Variants in ULK4 observed in about 807,000 individuals in gnomAD.
The protein encoded by ULK4 is unc-51 like kinase 4.
ULK4 carries 133 observed loss-of-function variants against 160.6 expected under a neutral mutation model. The ratio of observed to expected loss-of-function variants is 0.83; its 90% CI spans 0.72 to 0.96. The LOEUF (loss-of-function observed/expected upper bound fraction) is 0.96. ULK4 is among the 40% of genes least tolerant of loss of function. The probability of loss-of-function intolerance (pLI) is 0.00; values close to 1 mark genes in which losing one functional copy is unlikely to be tolerated. For missense variants in ULK4, 1,580 were observed against 1,499.5 expected, an observed-to-expected ratio of 1.05 and a Z score of -0.89; for synonymous variants, 534 against 539.8, an observed-to-expected ratio of 0.99 and a Z score of 0.15.
At chr3:41,522,534 C>T (rs2085968261) in intron 32 of ULK4, among the ~76,000 whole-genome samples, 2 of 152,042 alleles carry the variant, frequency 1.3e-5, no homozygotes, top group African/African-American at 4.8e-5. Context: ...ATTAAGAAAC[C>T]TAGCCAAACA....
At chr3:41,863,212 A>G (rs1182693395) in intron 17 of ULK4, among the ~76,000 whole-genome samples, 1 of 152,030 alleles carries the variant, frequency 6.6e-6, no homozygotes, top group Non-Finnish European at 1.5e-5. Flanking sequence ...AAGGGAGAGG[A>G]TCCTCACCTG....
intron 34 of ULK4, among the ~76,000 whole-genome samples, chr3:41,402,711 C>T (rs1364309789): frequency 6.6e-6 from 1 of 152,130 alleles, no homozygotes; most frequent in Non-Finnish European, 1.5e-5. Flanking sequence ...ATAAATTCTG[C>T]TCTGCTCATT....
At chr3:41,673,815 C>A (rs1338349027) in intron 29 of ULK4, among the ~76,000 whole-genome samples, 1 of 152,102 alleles carries the variant, frequency 6.6e-6, no homozygotes, top group Non-Finnish European at 1.5e-5. Context: ...GTTCCCCTTA[C>A]CAACACACAC....
chr3:41,492,176 C>G lies in ULK4; in HGVS notation c.3227-28923G>C, dbSNP rs1017543339. ...GTCCAAGTCTTTGCTATTGTGAATA[C>G]TGCCGCAATAAACATACGTGTGCAT... On this transcript the variant is annotated intron_variant, in intron 32 of 36. Transcript: ENST00000301831. 4.6e-5 allele frequency among the ~76,000 whole-genome samples: 7 copies of G among 151,220 alleles called. No homozygotes were observed. The East Asian group carries it at 7.7e-4, about 17-fold the overall frequency.
Position 41,371,772 on chromosome 3 carries a change from A to T in ULK4, c.3678+26307T>A, listed in dbSNP as rs527804814. ...ATCATAACTCCTCGCCAGTGAGGAA[A>T]CAAAACTGGATGGAGAACGAGTTTG... is the stretch of plus-strand genomic sequence containing the variant. On this transcript the variant is annotated intron_variant, in intron 35 of 36. Transcript: ENST00000301831. Among the ~76,000 whole-genome samples the T allele has an allele frequency of 1.2e-4, 18 of 152,204 alleles. No individual in the cohort carries two copies. In the East Asian group the frequency reaches 3.3e-3, roughly 28 times the overall value.
At chr3:41,684,826 A>G (rs1247142993) in intron 27 of ULK4, among the ~76,000 whole-genome samples, 1 of 152,248 alleles carries the variant, frequency 6.6e-6, no homozygotes, top group Non-Finnish European at 1.5e-5. Flanking sequence ...TCATTAAAAG[A>G]AAAGCACTTT....
rs549965987 is a variant in ULK4, at chr3:41,434,780, A to G, written c.3492+20717T>C. ...GTCCCAGCATATAAATATATTTTTT[A>G]TTATTGTTTTACATTATAGTATGTT... On this transcript the variant is annotated intron_variant, in intron 34 of 36. Transcript: ENST00000301831. Among the ~76,000 whole-genome samples the G allele has an allele frequency of 2.6e-5, 4 of 152,270 alleles. No individual in the cohort carries two copies. In the South Asian group the frequency reaches 8.3e-4, roughly 32 times the overall value.
intron 18 of ULK4, among the ~76,000 whole-genome samples, chr3:41,820,697 T>C (rs1345739650): frequency 6.6e-6 from 1 of 152,034 alleles, no homozygotes; most frequent in East Asian, 1.9e-4. Flanking sequence ...ACCTGGGAGG[T>C]AGGATCAGTT....
chr3:41,469,518 A>C (rs2083917206), intron 32 of ULK4, among the ~76,000 whole-genome samples: 1 of 149,552 alleles, frequency 6.7e-6, no homozygotes, highest in Non-Finnish European at 1.5e-5. Flanking sequence ...TAGAGAGCCC[A>C]AAGCAAGCTC....
chr3:41,439,085 G>A (rs1245097621), intron 34 of ULK4, among the ~76,000 whole-genome samples: 1 of 152,120 alleles, frequency 6.6e-6, no homozygotes, highest in Non-Finnish European at 1.5e-5. Flanking sequence ...AATGGGGGTT[G>A]GGGTTCCCCG....
At chr3:41,431,354 CAAA>C (rs1280171809) in intron 34 of ULK4, among the ~76,000 whole-genome samples, 1 of 114,384 alleles carries the variant, frequency 8.7e-6, no homozygotes, top group Non-Finnish European at 1.8e-5. Context: ...CACACACACA[CAAA>C]TAATAATAAT....
intron 5 of ULK4, among the ~76,000 whole-genome samples, chr3:41,920,792 G>A (rs1312021335): frequency 6.6e-6 from 1 of 152,052 alleles, no homozygotes; most frequent in Non-Finnish European, 1.5e-5. Flanking sequence ...ATGCGTGACT[G>A]TAAAGTTCTC....
intron 34 of ULK4, among the ~76,000 whole-genome samples, chr3:41,434,936 A>G (rs12152290): frequency 0.27 from 40,461 of 152,036 alleles, 5,613 homozygotes; most frequent in East Asian, 0.57. Context: ...AATTTTCTGT[A>G]TTTGCAGTGT....
intron 35 of ULK4, among the ~76,000 whole-genome samples, chr3:41,338,661 G>A (rs911180351): frequency 3.3e-5 from 5 of 152,224 alleles, no homozygotes; most frequent in African/African-American, 7.2e-5. Flanking sequence ...GTACTTTGGA[G>A]GGTACAGCAG....
chr3:41,717,766 A>G lies in ULK4; in HGVS notation c.2417T>C (p.Leu806Pro). Residue 806 changes from leucine to proline, a missense_variant, in exon 23 of 37, where the codon CTC (leucine) becomes CCC (proline). Transcript: ENST00000301831. ...NEYLSKCLDL[L>P]ICHIVQELPR... ...CAGCTCCTGCACAATGTGACAGATG[A>G]GAAGATCCAGGCATTTGGACAGGTA... 1 of 1,614,112 alleles carries G rather than the reference A, an allele frequency of 6.2e-7. No homozygotes were observed. Among genetic ancestry groups the G allele is most frequent in the Non-Finnish European group, 8.5e-7 (1 of 1,179,998 alleles).
chr3:41,330,065 T>C (rs1274596727), intron 35 of ULK4, among the ~76,000 whole-genome samples: 2 of 152,150 alleles, frequency 1.3e-5, no homozygotes, highest in Admixed American at 6.5e-5. Context: ...AAGAGCTGTT[T>C]CCTGCCACAG....
In ULK4 at chr3:41,911,624, G is replaced by A; in HGVS notation, c.932C>T (p.Ser311Phe). The A allele has an allele frequency of 6.2e-7, 1 of 1,613,798 alleles. No individual in the cohort carries two copies. Among genetic ancestry groups the A allele is most frequent in the Non-Finnish European group, 8.5e-7 (1 of 1,180,028 alleles). ...CTGAGAGTTCTGCAAAAGCTCCTTGGAATCTTGTGGCCCAGAACACTCCAT... is the reference window on the plus strand; with the variant it reads ...CTGAGAGTTCTGCAAAAGCTCCTTGAAATCTTGTGGCCCAGAACACTCCAT... ...NTMECSGPQD[S>F]KELLQNSQSR... The change falls in exon 10 of 37, where the codon TCC becomes TTC. Residue 311 changes from serine (S) to phenylalanine (F), a missense_variant. Transcript: ENST00000301831.
intron 2 of ULK4, 116 bp from the exon 3 acceptor site, chr3:41,938,313 G>A: frequency 1.4e-6 from 1 of 734,856 alleles, no homozygotes; most frequent in Non-Finnish European, 2.2e-6. Flanking sequence ...CATTTATTTG[G>A]TGGAATTCTA....
intron 17 of ULK4, among the ~76,000 whole-genome samples, chr3:41,866,781 T>G (rs116202370): frequency 0.32 from 48,082 of 151,954 alleles, 11,225 homozygotes; most frequent in African/African-American, 0.66. Context: ...TATTAAAAAC[T>G]GGAAGGTTTT....
Sources: gnomAD v4.1 joint callset for allele counts (sites outside exome capture counted in the v4.1 genomes callset) on GRCh38, gnomAD v4.1.1 for gene constraint, MANE v1.5 for transcripts, NCBI Gene and HGNC (gene_info 2026-07-23, HGNC 2026-07-21) for gene names.